SERPINA6: variants seen among roughly 807,000 people sequenced by gnomAD.
SERPINA6 encodes the protein serpin family A member 6.
In SERPINA6, 19 loss-of-function variants were observed where a neutral mutation model predicts 26.4. That is an observed-to-expected ratio of 0.72 (90% CI 0.50 to 1.06). The LOEUF (loss-of-function observed/expected upper bound fraction) is 1.06. Ranked by LOEUF, SERPINA6 falls within the 50% of genes least tolerant of loss-of-function variation. SERPINA6 has a pLI of 0.00. For missense variants in SERPINA6, 473 were observed against 504.0 expected (o/e 0.94, Z 0.59); for synonymous variants, 196 against 199.4 (o/e 0.98, Z 0.14).
intron 1 of SERPINA6, among the ~76,000 whole-genome samples, chr14:94,322,413 G>A (rs1895695980): frequency 6.6e-6 from 1 of 152,206 alleles, no homozygotes; most frequent in Admixed American, 6.5e-5. Context: ...GGGAGGCTGA[G>A]GCTGGAGAAT....
Position 94,304,309 on chromosome 14 carries a change from GAGA to G in SERPINA6, c.*106_*108del, listed in dbSNP as rs1474531953. 6.6e-6 allele frequency: 7 copies of G among 1,064,928 alleles called. No individual in the cohort carries two copies. Among genetic ancestry groups the G allele is most frequent in the South Asian group, 1.3e-5 (1 of 79,418 alleles). The allele number at this position is 1,064,928 out of a possible 1,614,324, so 66.0% of individuals were successfully genotyped here. On this transcript the variant is annotated 3_prime_UTR_variant, in exon 5 of 5. Coordinates refer to ENST00000341584, the MANE Select transcript of SERPINA6 (RefSeq NM_001756.4). ...AGTTAGACACAACTCTGGTTGGAGGGAGAAGAACTTGGAGGAGATTGGGGGAAA... is the reference window on the plus strand; with the variant it reads ...AGTTAGACACAACTCTGGTTGGAGGGAGAACTTGGAGGAGATTGGGGGAAA...
intron 3 of SERPINA6, among the ~76,000 whole-genome samples, chr14:94,308,400 G>A (rs2139716749): frequency 6.6e-6 from 1 of 150,902 alleles, no homozygotes; most frequent in East Asian, 1.9e-4. Flanking sequence ...TACATAGCAA[G>A]TGCTTCCGTT....
At chr14:94,306,978 A>G (rs1895450150) in intron 3 of SERPINA6, among the ~76,000 whole-genome samples, 1 of 152,166 alleles carries the variant, frequency 6.6e-6, no homozygotes, top group Non-Finnish European at 1.5e-5. Context: ...CTCTTGGCAG[A>G]TGGGAGGGAA....
In SERPINA6 at chr14:94,313,809, C is replaced by G. The variant is rs1895568098; in HGVS notation, c.613+227G>C. ...TTACAGGTGTGGGCCTCAAACCAAC[C>G]TGCCAGAATGTAGGCACATTGTTCA... is the stretch of plus-strand genomic sequence containing the variant. On this transcript the variant is annotated intron_variant, in intron 2 of 4. Transcript: ENST00000341584. The G allele has an allele frequency of 4.4e-6, 3 of 676,606 alleles. No homozygotes were observed. The East Asian group carries it at 8.2e-5, about 18-fold the overall frequency. The allele number at this position is 676,606 out of a possible 1,614,324, so 41.9% of individuals were successfully genotyped here. A position where few individuals can be genotyped will look rare whatever the true frequency, so the allele number is the denominator to read the frequency against.
intron 4 of SERPINA6, 50 bp from the exon 5 acceptor site, chr14:94,304,653 G>A (rs2273399): frequency 0.12 from 185,961 of 1,503,394 alleles, 14,446 homozygotes; most frequent in East Asian, 0.41. Flanking sequence ...GTGCGTTCTC[G>A]CTTTCCTGAC....
chr14:94,306,882 T>A (rs960023148), intron 3 of SERPINA6, among the ~76,000 whole-genome samples: 1 of 152,234 alleles, frequency 6.6e-6, no homozygotes, highest in Non-Finnish European at 1.5e-5. Flanking sequence ...GTGTTATTTT[T>A]AAATTCTTCT....
chr14:94,319,210 C>G (rs1420792483), intron 1 of SERPINA6, among the ~76,000 whole-genome samples: 1 of 152,180 alleles, frequency 6.6e-6, no homozygotes, highest in Non-Finnish European at 1.5e-5. Flanking sequence ...CCCAGCTACT[C>G]TGAAAGCTGA....
intron 2 of SERPINA6, among the ~76,000 whole-genome samples, chr14:94,311,056 C>G (rs1895522528): frequency 6.6e-6 from 1 of 152,198 alleles, no homozygotes; most frequent in African/African-American, 2.4e-5. Context: ...AGCCACAAAC[C>G]TTTTGTAATA....
Position 94,309,742 on chromosome 14 carries a change from G to A in SERPINA6, c.878C>T (p.Thr293Ile). The A allele has an allele frequency of 6.2e-7, 1 of 1,614,018 alleles. No homozygotes were observed. Residue 293 changes from threonine to isoleucine, a missense_variant, in exon 3 of 5, where the codon ACC (threonine) becomes ATC (isoleucine). Coordinates refer to ENST00000341584, the MANE Select transcript of SERPINA6 (RefSeq NM_001756.4). ...DTINRWSAGL[T>I]SSQVDLYIPK... ...TGATGGCTGGAGGACTTACCTGCTG[G>A]TCAGGCCTGCGGACCACCTGTTAAT...
intron 1 of SERPINA6, among the ~76,000 whole-genome samples, chr14:94,321,680 C>T (rs1057276467): frequency 1.3e-5 from 2 of 152,218 alleles, no homozygotes; most frequent in South Asian, 4.1e-4. Context: ...CTGTAGGTCC[C>T]TCATCTCCCT....
intron 1 of SERPINA6, among the ~76,000 whole-genome samples, chr14:94,320,372 C>A (rs1408094087): frequency 1.3e-5 from 2 of 152,226 alleles, no homozygotes; most frequent in African/African-American, 4.8e-5. Context: ...CTCAGCCAAT[C>A]ATAGCAGCTG....
intron 1 of SERPINA6, among the ~76,000 whole-genome samples, chr14:94,319,893 C>T (rs1016985652): frequency 1.3e-5 from 2 of 152,138 alleles, no homozygotes; most frequent in Admixed American, 6.5e-5. Flanking sequence ...GGTGGCACAA[C>T]AATGTGAATG....
chr14:94,322,778 T>C (rs768802663), intron 1 of SERPINA6, among the ~76,000 whole-genome samples: 3 of 152,176 alleles, frequency 2.0e-5, no homozygotes, highest in Non-Finnish European at 2.9e-5. Flanking sequence ...CCCAGGTCAC[T>C]GAGTGAGGAG....
intron 2 of SERPINA6, among the ~76,000 whole-genome samples, chr14:94,310,213 T>C (rs1218926636): frequency 1.3e-5 from 2 of 152,142 alleles, no homozygotes; most frequent in Non-Finnish European, 2.9e-5. Context: ...GGGTTGAGGA[T>C]GAGCTCTGTT....
intron 4 of SERPINA6, among the ~76,000 whole-genome samples, chr14:94,304,895 C>T (rs192705003): frequency 6.3e-4 from 96 of 152,250 alleles, no homozygotes; most frequent in African/African-American, 2.0e-3. Context: ...CCATGTTGGG[C>T]GCTTCTTACC....
At chr14:94,319,739 C>T (rs1336025214) in intron 1 of SERPINA6, among the ~76,000 whole-genome samples, 1 of 152,108 alleles carries the variant, frequency 6.6e-6, no homozygotes, top group Admixed American at 6.6e-5. Flanking sequence ...AATTCTACAC[C>T]TAGAGTAGCC....
chr14:94,309,682 A>G (rs1895496924), intron 3 of SERPINA6, 54 bp downstream of exon 3: 24 of 1,600,084 alleles, frequency 1.5e-5, no homozygotes, highest in Admixed American at 1.0e-4. Flanking sequence ...CACGTGCCCC[A>G]CTTTCTGGGG....
chr14:94,322,533 CAAAA>C (rs745354970), intron 1 of SERPINA6, among the ~76,000 whole-genome samples: 17 of 152,090 alleles, frequency 1.1e-4, no homozygotes, highest in Admixed American at 3.3e-4. Context: ...AACAAACAAA[CAAAA>C]AAGTACCCAG....
Position 94,304,615 on chromosome 14 carries a change from A to G in SERPINA6, c.1033-12T>C. 1 of 1,612,544 alleles carries G rather than the reference A, an allele frequency of 6.2e-7. No homozygotes were observed. Among genetic ancestry groups the G allele is most frequent in the Non-Finnish European group, 8.5e-7 (1 of 1,178,610 alleles). ...GCTTTATGGACCACCTGTTAGGTAC[A>G]GAATGAAGATGGGTAGTGAGACCTG... On this transcript the variant is annotated splice_polypyrimidine_tract_variant and intron_variant, in intron 4 of 4. Transcript: ENST00000341584.
Sources: gnomAD v4.1 joint callset for allele counts (sites outside exome capture counted in the v4.1 genomes callset) on GRCh38, gnomAD v4.1.1 for gene constraint, MANE v1.5 for transcripts, NCBI Gene and HGNC (gene_info 2026-07-23, HGNC 2026-07-21) for gene names.